Variants in HNF4G observed in about 807,000 individuals in gnomAD.
The protein encoded by HNF4G is hepatocyte nuclear factor 4-gamma.
Under a neutral mutation model 50.9 loss-of-function variants are expected in HNF4G, and 21 were observed. The ratio of observed to expected loss-of-function variants is 0.41; its 90% CI spans 0.29 to 0.59. HNF4G has a LOEUF of 0.59. Ranked by LOEUF, HNF4G falls within the 20% of genes least tolerant of loss-of-function variation. HNF4G has a pLI of 0.26. For missense variants in HNF4G, 527 were observed against 559.4 expected, an observed-to-expected ratio of 0.94 and a Z score of 0.58; for synonymous variants, 198 against 185.6, an observed-to-expected ratio of 1.07 and a Z score of -0.54.
At chr8:75,534,152 AATATT>A (rs2130771772) in intron 2 of HNF4G, among the ~76,000 whole-genome samples, 1 of 151,998 alleles carries the variant, frequency 6.6e-6, no homozygotes, top group African/African-American at 2.4e-5. Context: ...CACAATCTTA[AATATT>A]CTGACTAGCT....
upstream of HNF4G, chr8:75,539,809 G>T: frequency 1.8e-6 from 1 of 549,230 alleles, no homozygotes; most frequent in Non-Finnish European, 3.3e-6. Flanking sequence ...GCTGAAGAAG[G>T]TTACAGTTTT....
At chr8:75,503,474 G>T (rs1812985838) in intron 2 of HNF4G, among the ~76,000 whole-genome samples, 1 of 152,148 alleles carries the variant, frequency 6.6e-6, no homozygotes, top group Admixed American at 6.5e-5. Context: ...GAGAGATGTT[G>T]TCAAGATATT....
intron 1 of HNF4G, among the ~76,000 whole-genome samples, chr8:75,422,747 A>C (rs960616960): frequency 1.3e-5 from 2 of 151,400 alleles, no homozygotes; most frequent in Admixed American, 6.6e-5. Flanking sequence ...CATTCTCCTG[A>C]CTCAGCCTCC....
At chr8:75,545,239 A>ATGTGTGTGTGTGTGTGTGTGTGTGTGTG (rs57486410) in intron 2 of HNF4G, among the ~76,000 whole-genome samples, 1 of 145,486 alleles carries the variant, frequency 6.9e-6, no homozygotes, top group African/African-American at 2.5e-5. Context: ...TTAAAATTGA[A>ATGTGTGTGTGTGTGTGTGTGTGTGTGTG]TGTGTGTGTG....
chr8:75,436,838 G>T (rs534719963), intron 1 of HNF4G, among the ~76,000 whole-genome samples: 10,527 of 152,150 alleles, frequency 0.069, 382 homozygotes, highest in Middle Eastern at 0.11. Flanking sequence ...GAGGCCAGGA[G>T]TTGCAACCAG....
chr8:75,546,370 T>C (rs1356198342), intron 2 of HNF4G, among the ~76,000 whole-genome samples: 1 of 152,128 alleles, frequency 6.6e-6, no homozygotes, highest in Non-Finnish European at 1.5e-5. Context: ...CTGTACTCTT[T>C]TTTATGTGTT....
intron 1 of HNF4G, among the ~76,000 whole-genome samples, chr8:75,412,145 A>G (rs1174798730): frequency 1.3e-5 from 2 of 152,200 alleles, no homozygotes; most frequent in African/African-American, 4.8e-5. Flanking sequence ...AAGCCCTCTA[A>G]TAGGCCTTGG....
At chr8:75,562,852 A>T (rs982852643) in intron 9 of HNF4G, among the ~76,000 whole-genome samples, 1 of 152,168 alleles carries the variant, frequency 6.6e-6, no homozygotes, top group African/African-American at 2.4e-5. Context: ...ATTTAAATTC[A>T]TGCATATTTT....
intron 2 of HNF4G, among the ~76,000 whole-genome samples, chr8:75,510,388 T>C (rs1047690824): frequency 1.3e-5 from 2 of 152,162 alleles, no homozygotes; most frequent in African/African-American, 4.8e-5. Context: ...AAATTCAGTG[T>C]AGCCTACATA....
rs150939414 is a variant in HNF4G, at chr8:75,415,424, G to A, written c.-144+7262G>A. On this transcript the variant is annotated intron_variant, in intron 1 of 10. Transcript: ENST00000354370. ...TGTACAAAAAAAGAAATAAAAAATT[G>A]GATTTATGAGGCCTCAATATGGAGT... Among the ~76,000 whole-genome samples the A allele has an allele frequency of 3.9e-3, 591 of 151,990 alleles. 6 individuals carry two copies. The highest frequency in any genetic ancestry group is 0.013 in the African/African-American group (559 of 41,494).
intron 1 of HNF4G, among the ~76,000 whole-genome samples, chr8:75,427,576 CA>C (rs1036027327): frequency 2.1e-5 from 3 of 143,362 alleles, no homozygotes; most frequent in East Asian, 2.0e-4. Context: ...GACCCTGTCT[CA>C]AAAAAAAATA....
intron 1 of HNF4G, among the ~76,000 whole-genome samples, chr8:75,452,224 A>G (rs562037090): frequency 2.0e-5 from 3 of 152,258 alleles, no homozygotes; most frequent in African/African-American, 7.2e-5. Context: ...CTAAAGAACA[A>G]AAGTTATAAT....
Position 75,558,914 on chromosome 8 carries a change from G to C in HNF4G, c.1000G>C (p.Glu334Gln). 1 of 1,614,086 alleles carries C rather than the reference G, an allele frequency of 6.2e-7. No individual in the cohort carries two copies. The highest frequency in any genetic ancestry group is 8.5e-7 in the Non-Finnish European group (1 of 1,179,966). ...GTATGACTCCCGGGGGAGGTTTGGA[G>C]AGTTGCTTCTGCTCCTGCCCACACT... ...RQYDSRGRFGELLLLLPTLQS... is the reference protein window; with the variant it reads ...RQYDSRGRFGQLLLLLPTLQS... Residue 334 changes from glutamate to glutamine, a missense_variant, in exon 8 of 10, where the codon GAG (glutamate) becomes CAG (glutamine). Physicochemically the swap from Glu to Gln is conservative, Grantham distance 29. Coordinates refer to ENST00000396423, the MANE Select transcript of HNF4G (RefSeq NM_004133.5).
At chr8:75,440,385 G>A (rs1811249315) in intron 1 of HNF4G, among the ~76,000 whole-genome samples, 1 of 152,136 alleles carries the variant, frequency 6.6e-6, no homozygotes, top group Non-Finnish European at 1.5e-5. Flanking sequence ...CACTTTTGAT[G>A]CAGTGTTTCA....
intron 4 of HNF4G, among the ~76,000 whole-genome samples, chr8:75,552,142 A>C (rs1806978851): frequency 6.6e-6 from 1 of 152,200 alleles, no homozygotes; most frequent in Non-Finnish European, 1.5e-5. Context: ...ATTATAAAGC[A>C]GATTATAAAA....
chr8:75,449,611 A>G (rs1278796968), intron 1 of HNF4G, among the ~76,000 whole-genome samples: 1 of 145,984 alleles, frequency 6.9e-6, no homozygotes, highest in Non-Finnish European at 1.5e-5. Context: ...GGTTCACGCC[A>G]TTCTCCTGCC....
At chr8:75,551,746 G>C (rs190769618) in intron 4 of HNF4G, among the ~76,000 whole-genome samples, 1 of 152,192 alleles carries the variant, frequency 6.6e-6, no homozygotes, top group Admixed American at 6.5e-5. Flanking sequence ...TAAAAAGTTT[G>C]CTTATAAGTT....
intron 2 of HNF4G, among the ~76,000 whole-genome samples, chr8:75,521,872 C>T (rs1193586679): frequency 6.6e-6 from 1 of 152,044 alleles, no homozygotes; most frequent in African/African-American, 2.4e-5. Flanking sequence ...TGTCTCCATT[C>T]CCCCCACACA....
chr8:75,505,502 C>G (rs936994302), intron 2 of HNF4G, among the ~76,000 whole-genome samples: 2 of 152,066 alleles, frequency 1.3e-5, no homozygotes, highest in Non-Finnish European at 2.9e-5. Context: ...AAGTTTGGGA[C>G]CTTAGATCCA....
Sources: gnomAD v4.1 joint callset for allele counts (sites outside exome capture counted in the v4.1 genomes callset) on GRCh38, gnomAD v4.1.1 for gene constraint, MANE v1.5 for transcripts, NCBI Gene and HGNC (gene_info 2026-07-23, HGNC 2026-07-21) for gene names.